PACS2: variants seen among roughly 807,000 people sequenced by gnomAD.
The protein encoded by PACS2 is phosphofurin acidic cluster sorting protein 2, also known as PACS1-like protein.
PACS2 carries 36 observed loss-of-function variants against 113.0 expected under a neutral mutation model. The ratio of observed to expected loss-of-function variants is 0.32; its 90% CI spans 0.24 to 0.42. The LOEUF (loss-of-function observed/expected upper bound fraction) is 0.42. Among genes scored for constraint, PACS2 ranks in the 10% least tolerant of loss-of-function variants. The probability of loss-of-function intolerance (pLI) is 1.00; values close to 1 mark genes in which losing one functional copy is unlikely to be tolerated. For synonymous variants in PACS2, 589 were observed against 536.1 expected (o/e 1.10, Z -1.36); for missense variants, 1,015 against 1,239.5 (o/e 0.82, Z 2.72).
rs187708423 is a variant in PACS2 at position 105,325,143 on chromosome 14, G to A, written c.119+10106G>A. ...GGCTCTTCGCCTGTGTCCCAGCCCT[G>A]AGGGCACCGTCGTAGGGTGGTGGGA... On this transcript the variant is annotated intron_variant, in intron 1 of 24. Transcript: ENST00000447393. Among the ~76,000 whole-genome samples the A allele has an allele frequency of 2.4e-3, 362 of 150,780 alleles. 1 individual carries two copies. The highest frequency in any genetic ancestry group is 8.6e-3 in the African/African-American group (350 of 40,468).
At position 105,358,922 on chromosome 14, in the gene PACS2, G is replaced by C. The variant is rs2060562273; in HGVS notation, c.423+3745G>C. 6.6e-6 allele frequency among the ~76,000 whole-genome samples: 1 copy of C among 152,222 alleles called. No homozygotes were observed. The highest frequency in any genetic ancestry group is 6.5e-5 in the Admixed American group (1 of 15,290). On this transcript the variant is annotated intron_variant, in intron 4 of 24. Coordinates refer to ENST00000447393, the MANE Select transcript of PACS2 (RefSeq NM_001100913.3). The surrounding 1 kb of genome is among the most constrained non-coding windows in gnomAD (Gnocchi z 4.9). ...GCTGCTGATGACAGCCCAGTCAGGT[G>C]TGGGCTGCATATCAATGGGTGGCCC...
intron 15 of PACS2, 31 bp from the exon 16 acceptor site, chr14:105,383,328 C>T (rs1419743243): frequency 1.2e-6 from 2 of 1,602,662 alleles, no homozygotes; most frequent in African/African-American, 1.3e-5. Flanking sequence ...GCGTCTGTCC[C>T]CTCTCCGTCC....
At chr14:105,390,183 T>G (rs1595182680) in intron 20 of PACS2, 180 bp downstream of exon 20, 1 of 677,438 alleles carries the variant, frequency 1.5e-6, no homozygotes, top group Non-Finnish European at 2.7e-6. Context: ...TGGAGTGGGG[T>G]GTGGGGCCAG....
chr14:105,368,576 C>T, intron 7 of PACS2, 37 bp downstream of exon 7: 2 of 1,544,696 alleles, frequency 1.3e-6, no homozygotes, highest in Non-Finnish European at 1.8e-6. Flanking sequence ...CTGGGGAAGG[C>T]GAGGGTCGGG....
At position 105,376,749 on chromosome 14, in the gene PACS2, G is replaced by A. The variant is rs374420191; in HGVS notation, c.802-19G>A. 38 of 1,610,086 alleles carry A rather than the reference G, an allele frequency of 2.4e-5. No individual in the cohort carries two copies. The Middle Eastern group carries it at 8.3e-4, about 35-fold the overall frequency. The stretch of plus-strand genomic sequence containing the variant: ...GTGGGCTGCTGCAGGGAACTCACGC[G>A]TGCCTGGCACCCGTGCAGGTCCTGG... On this transcript the variant is annotated intron_variant, in intron 8 of 24. Transcript: ENST00000447393. This position sits in a 1 kb window ranked among gnomAD's most constrained non-coding sequence, Gnocchi z 4.7.
At chr14:105,322,923 AC>A (rs888304334) in intron 1 of PACS2, among the ~76,000 whole-genome samples, 1 of 152,058 alleles carries the variant, frequency 6.6e-6, no homozygotes, top group African/African-American at 2.4e-5. Context: ...GTTTACCCTC[AC>A]CCTGAGCAGG....
intron 1 of PACS2, among the ~76,000 whole-genome samples, chr14:105,326,521 C>T (rs958931504): frequency 5.3e-5 from 8 of 152,242 alleles, no homozygotes; most frequent in African/African-American, 1.9e-4. Context: ...GATGGCGGCT[C>T]AGGCTTCAGG....
Position 105,324,091 on chromosome 14 carries a change from A to G in PACS2, c.119+9054A>G, listed in dbSNP as rs887271238. 4.6e-5 allele frequency among the ~76,000 whole-genome samples: 7 copies of G among 152,164 alleles called. No homozygotes were observed. Among genetic ancestry groups the G allele is most frequent in the African/African-American group, 1.7e-4 (7 of 41,430 alleles). On this transcript the variant is annotated intron_variant, in intron 1 of 24. Transcript: ENST00000447393. The surrounding 1 kb of genome is among the most constrained non-coding windows in gnomAD (Gnocchi z 4.7). ...CAGGGGGCTACAGTGCCCTTGGACT[A>G]AAGGATGCTTTCCTTGGATCTGGGC...
chr14:105,319,284 G>A (rs1031366703), intron 1 of PACS2, among the ~76,000 whole-genome samples: 14 of 152,236 alleles, frequency 9.2e-5, no homozygotes, highest in African/African-American at 3.4e-4. Flanking sequence ...GCCACATTTG[G>A]TTTATAATTG....
In PACS2 at chr14:105,315,138, G is replaced by A; in HGVS notation, c.119+101G>A. 5.5e-6 allele frequency: 4 copies of A among 733,282 alleles called. No individual in the cohort carries two copies. Among genetic ancestry groups the A allele is most frequent in the Non-Finnish European group, 6.8e-6 (4 of 591,048 alleles). 45.4% of individuals were successfully genotyped at this position (733,282 alleles called of 1,614,324 possible). A position where few individuals can be genotyped will look rare whatever the true frequency, so the allele number is the denominator to read the frequency against. On this transcript the variant is annotated intron_variant, in intron 1 of 24. Coordinates refer to ENST00000447393, the MANE Select transcript of PACS2 (RefSeq NM_001100913.3). The surrounding 1 kb of genome is among the most constrained non-coding windows in gnomAD (Gnocchi z 4.4). ...CATCCCCGGCCCGGGTCCCCCAGCG[G>A]AGCCCAGGTCGCCCCCCGCGCCCCC...
At chr14:105,312,936 C>T (rs1004502938), upstream of PACS2, among the ~76,000 whole-genome samples, 3 of 152,156 alleles carry the variant, frequency 2.0e-5, no homozygotes, top group South Asian at 2.1e-4. Context: ...GGTCATATCC[C>T]GACCCCTGGC....
chr14:105,391,168 T>A, intron 20 of PACS2, 39 bp from the exon 21 acceptor site: 1 of 1,567,560 alleles, frequency 6.4e-7, no homozygotes, highest in Non-Finnish European at 8.8e-7. Context: ...GCTAGCTGAA[T>A]TGCACGGCTT....
intron 1 of PACS2, among the ~76,000 whole-genome samples, chr14:105,334,411 C>T (rs914478195): frequency 6.6e-6 from 1 of 152,216 alleles, no homozygotes; most frequent in African/African-American, 2.4e-5. Context: ...ATGTGCAGGG[C>T]TTCACCCTCT....
chr14:105,310,035 C>G (rs892103456), upstream of PACS2, among the ~76,000 whole-genome samples: 1 of 151,620 alleles, frequency 6.6e-6, no homozygotes, highest in Non-Finnish European at 1.5e-5. Flanking sequence ...CCACCCGCCT[C>G]GGCCTCCCAA....
intron 19 of PACS2, among the ~76,000 whole-genome samples, chr14:105,386,945 G>A (rs1240709097): frequency 3.3e-5 from 5 of 152,184 alleles, no homozygotes; most frequent in Admixed American, 2.0e-4. Context: ...CCCGGCCGCC[G>A]CAGGCCGTGG....
Position 105,361,725 on chromosome 14 carries a change from A to G in PACS2, c.424-5488A>G, listed in dbSNP as rs1280726320. On this transcript the variant is annotated intron_variant, in intron 4 of 24. Transcript: ENST00000447393. ...AGCACTTTGGGAGGCCAAGGCGGGC[A>G]GGTCACCTGAGGTCGGGAGCTCGAG... 2.6e-5 allele frequency among the ~76,000 whole-genome samples: 4 copies of G among 151,066 alleles called. No homozygotes were observed. The East Asian group carries it at 6.0e-4, about 23-fold the overall frequency.
intron 8 of PACS2, chr14:105,371,764 T>G (rs587743161): frequency 1.3e-5 from 2 of 152,360 alleles, no homozygotes; most frequent in South Asian, 4.1e-4. Flanking sequence ...TTGTTCATGC[T>G]GCTATAACAA....
chr14:105,313,489 C>T (rs587614160), upstream of PACS2, among the ~76,000 whole-genome samples: 29 of 152,332 alleles, frequency 1.9e-4, no homozygotes, highest in South Asian at 4.8e-3. Context: ...TTGTTCTCTC[C>T]GAAGTGGGAC....
rs147178388 is a variant in PACS2, at chr14:105,317,193, C to T, written c.119+2156C>T. On this transcript the variant is annotated intron_variant, in intron 1 of 24. Coordinates refer to ENST00000447393, the MANE Select transcript of PACS2 (RefSeq NM_001100913.3). The surrounding 1 kb of genome is among the most constrained non-coding windows in gnomAD (Gnocchi z 4.2). ...GGCGTGTTCACTGCTGCGTACTATT[C>T]ACTGGCGTGACAGTACCTCGGCTTT... is the stretch of plus-strand genomic sequence containing the variant. 1.3e-5 allele frequency among the ~76,000 whole-genome samples: 2 copies of T among 152,344 alleles called. No homozygotes were observed. The highest frequency in any genetic ancestry group is 2.9e-5 in the Non-Finnish European group (2 of 68,026).
Sources: gnomAD v4.1 joint callset for allele counts (sites outside exome capture counted in the v4.1 genomes callset) on GRCh38, gnomAD v4.1.1 for gene constraint, Gnocchi (gnomAD v3.1) non-coding constraint, MANE v1.5 for transcripts, NCBI Gene and HGNC (gene_info 2026-07-23, HGNC 2026-07-21) for gene names.